The following EXOC2 variants were observed in gnomAD, a reference collection of about 807,000 sequenced individuals.
EXOC2 encodes exocyst complex component 2, also known as SEC5-like 1.
In EXOC2, 70 loss-of-function variants were observed where a neutral mutation model predicts 131.8. The ratio of observed to expected loss-of-function variants is 0.53; its 90% CI spans 0.44 to 0.65. The LOEUF is 0.65. Among genes scored for constraint, EXOC2 ranks in the 30% least tolerant of loss-of-function variants. The pLI is 0.00. For synonymous variants in EXOC2, 411 were observed against 398.4 expected (o/e 1.03, Z -0.38); for missense variants, 923 against 1,108.6 (o/e 0.83, Z 2.38).
intron 1 of EXOC2, chr6:656,502 G>A (rs776054397): frequency 6.2e-7 from 1 of 1,606,516 alleles, no homozygotes; most frequent in Admixed American, 1.7e-5. Context: ...GCGCAGGCTG[G>A]GCGGCAGGCA....
chr6:675,585 C>T (rs1221553253), intron 1 of EXOC2, among the ~76,000 whole-genome samples: 2,651 of 20,194 alleles, frequency 0.13, 189 homozygotes, highest in East Asian at 0.38. Flanking sequence ...GAAAGGACAG[C>T]CTCCTCTGGC....
rs577483613 is a variant in EXOC2, at chr6:532,411, A to C, written c.2380+58T>G. On this transcript the variant is annotated intron_variant, in intron 23 of 27. Coordinates refer to ENST00000230449, the MANE Select transcript of EXOC2 (RefSeq NM_018303.6). ...AGAATAAAATGAAAAGAATTCAAGC[A>C]AGTATCAATTGATAAAAGTATATCC... The C allele has an allele frequency of 7.0e-5, 97 of 1,384,138 alleles. No individual in the cohort carries two copies. In the East Asian group the frequency reaches 2.4e-3, roughly 35 times the overall value. 85.7% of individuals were successfully genotyped at this position (1,384,138 alleles called of 1,614,324 possible).
chr6:498,333 C>A (rs1763855281), intron 24 of EXOC2, among the ~76,000 whole-genome samples: 1 of 152,228 alleles, frequency 6.6e-6, no homozygotes, highest in African/African-American at 2.4e-5. Flanking sequence ...AGCACCATCA[C>A]TACAATTTCC....
intron 1 of EXOC2, among the ~76,000 whole-genome samples, chr6:648,952 A>G (rs116267022): frequency 2.0e-5 from 3 of 151,870 alleles, no homozygotes; most frequent in Non-Finnish European, 4.4e-5. Flanking sequence ...GGCTCAAGCA[A>G]TCTGCCCGCT....
chr6:511,163 C>T (rs1764824342), intron 23 of EXOC2, among the ~76,000 whole-genome samples: 1 of 152,228 alleles, frequency 6.6e-6, no homozygotes, highest in Non-Finnish European at 1.5e-5. Context: ...CCTGCCATGG[C>T]CTGGCACGCA....
intron 12 of EXOC2, among the ~76,000 whole-genome samples, 158 bp from the exon 13 acceptor site, chr6:572,802 C>A (rs1056706243): frequency 6.6e-6 from 1 of 152,228 alleles, no homozygotes; most frequent in African/African-American, 2.4e-5. Context: ...TGGCTGACAC[C>A]GGCAGCGGTA....
At chr6:545,110 G>C (rs935286443) in intron 22 of EXOC2, among the ~76,000 whole-genome samples, 1 of 134,324 alleles carries the variant, frequency 7.4e-6, no homozygotes, top group South Asian at 2.4e-4. Context: ...TTGCGCCACT[G>C]CAGTCCGCAG....
intron 1 of EXOC2, among the ~76,000 whole-genome samples, chr6:659,522 A>C (rs1437040381): frequency 6.6e-6 from 1 of 152,152 alleles, no homozygotes; most frequent in African/African-American, 2.4e-5. Context: ...CCTGGGAGAC[A>C]CTCCAAATAC....
intron 23 of EXOC2, among the ~76,000 whole-genome samples, chr6:504,733 T>C (rs916652026): frequency 3.9e-5 from 6 of 152,158 alleles, no homozygotes; most frequent in Admixed American, 2.0e-4. Flanking sequence ...GAAGCTGTTA[T>C]GAAAATGCCA....
rs529766733 is a variant in EXOC2 at position 653,409 on chromosome 6, CG to C, written c.-43-15549del. On this transcript the variant is annotated intron_variant, in intron 1 of 27. Coordinates refer to ENST00000230449, the MANE Select transcript of EXOC2 (RefSeq NM_018303.6). ...TAAAATTGCTACTCTAGTGAACACA[CG>C]AATGATAACAAACTAAAACAGCTTT... Among the ~76,000 whole-genome samples, 481 of 152,300 alleles carry C rather than the reference CG, an allele frequency of 3.2e-3. 2 individuals carry two copies. Among genetic ancestry groups the C allele is most frequent in the Non-Finnish European group, 4.8e-3 (325 of 68,024 alleles).
chr6:492,109 C>T (rs147598088), intron 25 of EXOC2, among the ~76,000 whole-genome samples: 5 of 152,178 alleles, frequency 3.3e-5, no homozygotes, highest in East Asian at 1.9e-4. Context: ...GAAATCATGC[C>T]GAAAGTATAA....
chr6:624,849 G>C, intron 4 of EXOC2, among the ~76,000 whole-genome samples: 1 of 152,184 alleles, frequency 6.6e-6, no homozygotes, highest in East Asian at 1.9e-4. Context: ...AGAATAACTG[G>C]ATTTCGGATT....
intron 1 of EXOC2, among the ~76,000 whole-genome samples, chr6:647,508 G>C (rs1762627938): frequency 6.8e-6 from 1 of 146,238 alleles, no homozygotes; most frequent in Non-Finnish European, 1.5e-5. Flanking sequence ...CACCTGATGA[G>C]TTGTCAAACA....
At chr6:623,217 G>A (rs192297037) in intron 4 of EXOC2, among the ~76,000 whole-genome samples, 3 of 152,344 alleles carry the variant, frequency 2.0e-5, no homozygotes, top group Admixed American at 2.0e-4. Flanking sequence ...ATTGGAGTGA[G>A]CAGGGAGGCC....
chr6:659,638 T>A (rs1480307449), intron 1 of EXOC2, among the ~76,000 whole-genome samples: 1 of 152,170 alleles, frequency 6.6e-6, no homozygotes. Context: ...GTTTCCGACT[T>A]TACCTGGAGC....
chr6:547,856 A>T (rs1756945989), intron 22 of EXOC2, among the ~76,000 whole-genome samples: 1 of 152,208 alleles, frequency 6.6e-6, no homozygotes, highest in Admixed American at 6.5e-5. Flanking sequence ...GGATATGAAA[A>T]AATCTTTTTA....
At chr6:680,390 C>T (rs920567607) in intron 1 of EXOC2, among the ~76,000 whole-genome samples, 15 of 152,156 alleles carry the variant, frequency 9.9e-5, no homozygotes, top group African/African-American at 3.6e-4. Context: ...TATATGAATA[C>T]AGAGAAAGGG....
intron 1 of EXOC2, among the ~76,000 whole-genome samples, chr6:645,334 T>C (rs1373607215): frequency 6.6e-6 from 1 of 151,942 alleles, no homozygotes; most frequent in Non-Finnish European, 1.5e-5. Flanking sequence ...TTATAAACTA[T>C]AAAGAAGATA....
At chr6:654,628 C>T (rs966759564) in intron 1 of EXOC2, among the ~76,000 whole-genome samples, 2 of 150,452 alleles carry the variant, frequency 1.3e-5, no homozygotes, top group Non-Finnish European at 3.0e-5. Context: ...AGTGAGACTC[C>T]CTCTCTACAA....
Sources: allele counts gnomAD v4.1 joint callset (sites outside exome capture counted in the v4.1 genomes callset), GRCh38; gene constraint gnomAD v4.1.1; transcripts MANE v1.5; gene names NCBI Gene and HGNC (gene_info 2026-07-23, HGNC 2026-07-21).